GAD2: variants seen among roughly 807,000 people sequenced by gnomAD.
The protein encoded by GAD2 is 65 kDa glutamic acid decarboxylase.
GAD2 carries 22 observed loss-of-function variants against 80.1 expected under a neutral mutation model. That is an observed-to-expected ratio of 0.27 (90% CI 0.20 to 0.39). The LOEUF (loss-of-function observed/expected upper bound fraction) is 0.39, where lower values mean the gene tolerates loss of function less well. Among genes scored for constraint, GAD2 ranks in the 10% least tolerant of loss-of-function variants. GAD2 has a pLI of 1.00. For synonymous variants in GAD2, 274 were observed against 256.9 expected, an observed-to-expected ratio of 1.07 and a Z score of -0.64; for missense variants, 624 against 738.4, an observed-to-expected ratio of 0.85 and a Z score of 1.80.
intron 7 of GAD2, among the ~76,000 whole-genome samples, chr10:26,243,425 C>A (rs189681715): frequency 6.6e-6 from 1 of 152,342 alleles, no homozygotes; most frequent in African/African-American, 2.4e-5. Context: ...TTCCAGTCAG[C>A]AGCCCTTTGG....
intron 7 of GAD2, among the ~76,000 whole-genome samples, chr10:26,233,312 A>G (rs1409907112): frequency 6.6e-6 from 1 of 152,206 alleles, no homozygotes; most frequent in East Asian, 1.9e-4. Context: ...ACCTTCCCTG[A>G]TCAAGTTTCC....
At position 26,216,830 on chromosome 10, in the gene GAD2, C is replaced by G. The variant is rs1844377620; in HGVS notation, c.21C>G (p.Gly7=). Reference sequence around the variant, plus strand: ...AGCCGATGGCATCTCCGGGCTCTGGCTTTTGGTCTTTCGGGTCGGAAGATG... The same window carrying G: ...AGCCGATGGCATCTCCGGGCTCTGGGTTTTGGTCTTTCGGGTCGGAAGATG... MASPGS[G]FWSFGSEDGS... Residue 7 remains glycine (G), a synonymous_variant, in exon 1 of 16, where the codon GGC becomes GGG. Transcript: ENST00000376261. This position sits in a 1 kb window ranked among gnomAD's most constrained non-coding sequence, Gnocchi z 4.7. 6.2e-7 allele frequency: 1 copy of G among 1,612,892 alleles called. No homozygotes were observed. Among genetic ancestry groups the G allele is most frequent in the African/African-American group, 1.3e-5 (1 of 74,874 alleles).
intron 11 of GAD2, among the ~76,000 whole-genome samples, chr10:26,274,723 C>A (rs933361848): frequency 1.3e-5 from 2 of 152,200 alleles, no homozygotes; most frequent in African/African-American, 4.8e-5. Context: ...TGCGATCTGA[C>A]ACCCAGGCCC....
At chr10:26,243,042 A>ACC (rs8190665) in intron 7 of GAD2, among the ~76,000 whole-genome samples, 20 of 133,860 alleles carry the variant, frequency 1.5e-4, no homozygotes, top group African/African-American at 5.4e-4. Flanking sequence ...TGCACAAAAA[A>ACC]CCCCCCCCCT....
chr10:26,231,578 A>G (rs8190646), intron 7 of GAD2, among the ~76,000 whole-genome samples: 16,182 of 152,242 alleles, frequency 0.11, 1,047 homozygotes, highest in African/African-American at 0.17. Flanking sequence ...CACATTGGGC[A>G]AAAACCACAC....
intron 7 of GAD2, among the ~76,000 whole-genome samples, chr10:26,245,166 A>T (rs1447559556): frequency 8.3e-5 from 12 of 144,160 alleles, no homozygotes; most frequent in Non-Finnish European, 1.8e-4. Context: ...AAAAAAAAAA[A>T]AAAGAAAAAA....
rs368740209 is a variant in GAD2, at chr10:26,242,278, G to A, written c.841-3643G>A. ...TGGGATTACAGGCGTGAGCCACCGC[G>A]CCCGGCCACTGGTTCAATTTTTATA... On this transcript the variant is annotated intron_variant, in intron 7 of 15. Transcript: ENST00000376261. Among the ~76,000 whole-genome samples the A allele has an allele frequency of 3.1e-4, 47 of 151,654 alleles. No individual in the cohort carries two copies. In the East Asian group the frequency reaches 5.0e-3, roughly 16 times the overall value.
rs558477313 is a variant in GAD2 at position 26,239,269 on chromosome 10, G to A, written c.841-6652G>A. ...CAGTGTGTCCTTTCTCTTTATTTGAGGTCTCTGTGTTGCTTCTTTCTTCCC... is the reference window on the plus strand; with the variant it reads ...CAGTGTGTCCTTTCTCTTTATTTGAAGTCTCTGTGTTGCTTCTTTCTTCCC... On this transcript the variant is annotated intron_variant, in intron 7 of 15. Transcript: ENST00000376261. Among the ~76,000 whole-genome samples the A allele has an allele frequency of 3.3e-5, 5 of 152,278 alleles. No homozygotes were observed. In the South Asian group the frequency reaches 1.0e-3, roughly 32 times the overall value.
At chr10:26,250,081 G>A (rs937328471) in intron 8 of GAD2, among the ~76,000 whole-genome samples, 1 of 151,890 alleles carries the variant, frequency 6.6e-6, no homozygotes, top group East Asian at 1.9e-4. Flanking sequence ...CTGGAGTGCA[G>A]TAGCCCATTC....
intron 8 of GAD2, among the ~76,000 whole-genome samples, chr10:26,247,038 A>G (rs1218366741): frequency 6.6e-6 from 1 of 152,244 alleles, no homozygotes; most frequent in Non-Finnish European, 1.5e-5. Flanking sequence ...GAAGGAATTC[A>G]GGGTGAGTCC....
chr10:26,245,356 C>T (rs1844794005), intron 7 of GAD2, among the ~76,000 whole-genome samples: 1 of 150,636 alleles, frequency 6.6e-6, no homozygotes, highest in African/African-American at 2.5e-5. Context: ...GCACATCCCG[C>T]ATGTACCCTG....
intron 8 of GAD2, among the ~76,000 whole-genome samples, chr10:26,258,694 A>G (rs1844973337): frequency 6.6e-6 from 1 of 152,212 alleles, no homozygotes; most frequent in Non-Finnish European, 1.5e-5. Context: ...TCCATGTTGT[A>G]GCATGTGTTA....
chr10:26,281,581 A>G (rs1249886337), intron 12 of GAD2, among the ~76,000 whole-genome samples: 4 of 152,200 alleles, frequency 2.6e-5, no homozygotes, highest in Non-Finnish European at 5.9e-5. Context: ...ACAGATGATT[A>G]CAGTCTATCT....
At chr10:26,231,847 TTC>T (rs1264250680) in intron 7 of GAD2, among the ~76,000 whole-genome samples, 1 of 151,942 alleles carries the variant, frequency 6.6e-6, no homozygotes, top group Non-Finnish European at 1.5e-5. Context: ...ATCTCTCTCT[TTC>T]TCTCTCTCTC....
At chr10:26,221,692 T>C (rs988482883) in intron 4 of GAD2, among the ~76,000 whole-genome samples, 9 of 152,222 alleles carry the variant, frequency 5.9e-5, no homozygotes, top group Non-Finnish European at 1.0e-4. Flanking sequence ...TCGCAGAGTC[T>C]GCGCATCCTT....
chr10:26,227,682 G>C (rs1844546282), intron 6 of GAD2, among the ~76,000 whole-genome samples: 1 of 152,156 alleles, frequency 6.6e-6, no homozygotes, highest in Non-Finnish European at 1.5e-5. Flanking sequence ...CAGGGATGCT[G>C]CTCAACACTT....
chr10:26,217,650 C>T lies in GAD2; in HGVS notation c.117C>T (p.Gly39=). The part of the protein sequence containing the change: ...WCQVAQKFTG[G]IGNKLCALLY... Reference sequence around the variant, plus strand: ...AAGTGGCTCAGAAGTTCACGGGCGGCATCGGAAACAAACTGTGCGGTGAGT... The same window carrying T: ...AAGTGGCTCAGAAGTTCACGGGCGGTATCGGAAACAAACTGTGCGGTGAGT... Residue 39 remains glycine, a synonymous_variant, in exon 2 of 16, where the codon GGC becomes GGT. Coordinates refer to ENST00000376261, the MANE Select transcript of GAD2 (RefSeq NM_001134366.2). The surrounding 1 kb of genome is among the most constrained non-coding windows in gnomAD (Gnocchi z 4.9). The T allele has an allele frequency of 1.2e-6, 2 of 1,613,772 alleles. No homozygotes were observed. The highest frequency in any genetic ancestry group is 1.7e-6 in the Non-Finnish European group (2 of 1,179,858).
chr10:26,243,042 A>AGAACCC (rs369682044), intron 7 of GAD2, among the ~76,000 whole-genome samples: 8 of 133,786 alleles, frequency 6.0e-5, no homozygotes, highest in African/African-American at 2.3e-4. Flanking sequence ...TGCACAAAAA[A>AGAACCC]CCCCCCCCCT....
At chr10:26,246,140 T>G in intron 8 of GAD2, 140 bp downstream of exon 8, 3 of 635,724 alleles carry the variant, frequency 4.7e-6, no homozygotes, top group Non-Finnish European at 8.2e-6. Context: ...CGTTTCTTTT[T>G]AACATGGGCT....
Sources: gnomAD v4.1 joint callset for allele counts (sites outside exome capture counted in the v4.1 genomes callset) on GRCh38, gnomAD v4.1.1 for gene constraint, Gnocchi (gnomAD v3.1) non-coding constraint, MANE v1.5 for transcripts, NCBI Gene and HGNC (gene_info 2026-07-23, HGNC 2026-07-21) for gene names.